Variants in SORCS1 observed in about 807,000 individuals in gnomAD.
SORCS1 encodes the protein VPS10 domain-containing receptor SorCS1.
A neutral mutation model predicts 146.1 loss-of-function variants in SORCS1; 60 were observed. The ratio of observed to expected loss-of-function variants is 0.41; its 90% confidence interval spans 0.33 to 0.51. The LOEUF (loss-of-function observed/expected upper bound fraction) is 0.51, where lower values mean the gene tolerates loss of function less well. SORCS1 is among the 20% of genes least tolerant of loss of function. The pLI is 0.21. For missense variants in SORCS1, 1,352 were observed against 1,487.6 expected (o/e 0.91, Z 1.50); for synonymous variants, 637 against 584.0 (o/e 1.09, Z -1.31).
intron 17 of SORCS1, among the ~76,000 whole-genome samples, chr10:106,662,565 G>A (rs1192358957): frequency 1.3e-5 from 2 of 152,106 alleles, no homozygotes; most frequent in African/African-American, 4.8e-5. Flanking sequence ...CAGCCCTGAG[G>A]CTAATACAGA....
At chr10:106,741,167 A>G (rs775148326) in intron 5 of SORCS1, among the ~76,000 whole-genome samples, 6 of 152,156 alleles carry the variant, frequency 3.9e-5, no homozygotes, top group Non-Finnish European at 8.8e-5. Flanking sequence ...TACCACTCAG[A>G]GTGTATCAAG....
intron 3 of SORCS1, among the ~76,000 whole-genome samples, chr10:106,788,633 T>A (rs943004426): frequency 1.3e-5 from 2 of 152,202 alleles, no homozygotes; most frequent in Non-Finnish European, 2.9e-5. Context: ...ATGTCTCACA[T>A]TGAGGTCATG....
chr10:106,712,832 C>T (rs1370195224), intron 6 of SORCS1, among the ~76,000 whole-genome samples: 1 of 152,158 alleles, frequency 6.6e-6, no homozygotes, highest in East Asian at 1.9e-4. Context: ...ACCCATTGTT[C>T]TCTGGCTTTT....
intron 1 of SORCS1, among the ~76,000 whole-genome samples, chr10:106,993,536 A>T (rs961516016): frequency 1.3e-5 from 2 of 152,172 alleles, no homozygotes; most frequent in African/African-American, 4.8e-5. Flanking sequence ...AGTATGCAGG[A>T]ATTTCTTTTA....
chr10:106,692,064 G>GTC (rs1002222912), intron 9 of SORCS1, among the ~76,000 whole-genome samples: 8 of 151,812 alleles, frequency 5.3e-5, no homozygotes, highest in African/African-American at 9.7e-5. Flanking sequence ...TTGAAACAGG[G>GTC]TCTCTCTCTC....
intron 2 of SORCS1, among the ~76,000 whole-genome samples, chr10:106,838,528 A>C (rs1438152063): frequency 1.3e-5 from 2 of 152,176 alleles, no homozygotes; most frequent in African/African-American, 4.8e-5. Flanking sequence ...ACATGTATCC[A>C]CCACTTGACA....
At chr10:107,105,182 G>C (rs1208221587) in intron 1 of SORCS1, among the ~76,000 whole-genome samples, 5 of 152,100 alleles carry the variant, frequency 3.3e-5, no homozygotes, top group Non-Finnish European at 7.4e-5. Flanking sequence ...TGAGTTCTGG[G>C]GGCGAACACA....
At chr10:106,623,943 C>A (rs367548591) in intron 19 of SORCS1, among the ~76,000 whole-genome samples, 8 of 152,312 alleles carry the variant, frequency 5.3e-5, no homozygotes, top group South Asian at 2.1e-4. Flanking sequence ...CTCGGCCCCC[C>A]CAAAGTGCTG....
In SORCS1 at chr10:107,164,678, T is replaced by G; in HGVS notation, c.-152A>C. ...GCGGGCGGAGGCGGCGCCGGGCAGG[T>G]GGCGGCCGCTTGCCCGGGCTGGGCT... On this transcript the variant is annotated 5_prime_UTR_variant, in exon 1 of 26. Coordinates refer to ENST00000263054, the MANE Select transcript of SORCS1 (RefSeq NM_052918.5). The surrounding 1 kb of genome is among the most constrained non-coding windows in gnomAD (Gnocchi z 6.8). 1.8e-6 allele frequency: 1 copy of G among 562,442 alleles called. No individual in the cohort carries two copies. Among genetic ancestry groups the G allele is most frequent in the Non-Finnish European group, 2.6e-6 (1 of 377,426 alleles). The allele number at this position is 562,442 out of a possible 1,614,324, so 34.8% of individuals were successfully genotyped here.
chr10:106,721,906 T>A (rs1855806091), intron 6 of SORCS1, among the ~76,000 whole-genome samples: 1 of 152,198 alleles, frequency 6.6e-6, no homozygotes. Context: ...GTTGACTTTA[T>A]AATGGAGTTC....
intron 8 of SORCS1, among the ~76,000 whole-genome samples, chr10:106,701,250 GT>G (rs924611292): frequency 6.6e-6 from 1 of 152,058 alleles, no homozygotes; most frequent in African/African-American, 2.4e-5. Context: ...ATGGATTGAT[GT>G]TTTTTGAAAA....
chr10:106,591,279 C>T (rs112212370), intron 24 of SORCS1, among the ~76,000 whole-genome samples: 1,535 of 152,214 alleles, frequency 0.01, 30 homozygotes, highest in African/African-American at 0.035. Context: ...GAAGGATAGG[C>T]CCAGTTTTCT....
At chr10:107,053,755 T>C (rs1469995907) in intron 1 of SORCS1, among the ~76,000 whole-genome samples, 1 of 152,188 alleles carries the variant, frequency 6.6e-6, no homozygotes, top group Non-Finnish European at 1.5e-5. Flanking sequence ...CCCTGGTGTC[T>C]TGTGAAGATT....
intron 5 of SORCS1, among the ~76,000 whole-genome samples, chr10:106,732,201 T>G (rs2136026613): frequency 6.6e-6 from 1 of 152,348 alleles, no homozygotes; most frequent in South Asian, 2.1e-4. Context: ...TACTTTGTTC[T>G]TCCCCTAGGA....
At chr10:106,916,437 C>G (rs964148382) in intron 2 of SORCS1, among the ~76,000 whole-genome samples, 1 of 148,722 alleles carries the variant, frequency 6.7e-6, no homozygotes. Context: ...CACATACACA[C>G]GATTGTATAT....
chr10:107,014,253 C>CAAA (rs562179526), intron 1 of SORCS1, among the ~76,000 whole-genome samples: 5 of 79,354 alleles, frequency 6.3e-5, no homozygotes, highest in African/African-American at 2.5e-4. Flanking sequence ...GACCCTGCGT[C>CAAA]AAAAAAAAAA....
At chr10:107,046,265 T>C (rs1959424634) in intron 1 of SORCS1, among the ~76,000 whole-genome samples, 1 of 151,990 alleles carries the variant, frequency 6.6e-6, no homozygotes, top group African/African-American at 2.4e-5. Context: ...TTTTAAATTT[T>C]TTGTCTATTT....
chr10:107,060,860 TCACAAGCC>T lies in SORCS1; in HGVS notation c.558+103101_558+103108del, dbSNP rs1430638503. 1.9e-4 allele frequency among the ~76,000 whole-genome samples: 29 copies of T among 152,180 alleles called. No homozygotes were observed. The highest frequency in any genetic ancestry group is 1.9e-3 in the Admixed American group (29 of 15,262). On this transcript the variant is annotated intron_variant, in intron 1 of 25. Coordinates refer to ENST00000263054, the MANE Select transcript of SORCS1 (RefSeq NM_052918.5). The surrounding 1 kb of genome is among the most constrained non-coding windows in gnomAD (Gnocchi z 4.1). ...TCATATTTTAGTTAATTTTATTGAA[TCACAAGCC>T]TCTAAACTAATGTCTTAAAAATTCT...
chr10:107,165,292 A>AGTGTGTGTGTGTGTGT (rs3982278), upstream of SORCS1, among the ~76,000 whole-genome samples: 1,728 of 142,748 alleles, frequency 0.012, 27 homozygotes, highest in African/African-American at 0.036. This position sits in a 1 kb window ranked among gnomAD's most constrained non-coding sequence, Gnocchi z 4.0. Flanking sequence ...CTCGTGTGTG[A>AGTGTGTGTGTGTGTGT]GTGTGTGTGT....
Sources: gnomAD v4.1 joint callset for allele counts (sites outside exome capture counted in the v4.1 genomes callset) on GRCh38, gnomAD v4.1.1 for gene constraint, Gnocchi (gnomAD v3.1) non-coding constraint, MANE v1.5 for transcripts, NCBI Gene and HGNC (gene_info 2026-07-23, HGNC 2026-07-21) for gene names.